COL4A2: variants seen among roughly 807,000 people sequenced by gnomAD.
The protein encoded by COL4A2 is collagen alpha-2(IV) chain.
A neutral mutation model predicts 200.2 loss-of-function variants in COL4A2; 99 were observed. That is an observed-to-expected ratio of 0.49 (90% CI 0.42 to 0.58). The LOEUF is 0.58. Ranked by LOEUF, COL4A2 falls within the 20% of genes least tolerant of loss-of-function variation. The pLI is 0.00. For synonymous variants in COL4A2, 897 were observed against 900.6 expected (o/e 1.00, Z 0.07); for missense variants, 1,950 against 2,314.1 (o/e 0.84, Z 3.23).
intron 16 of COL4A2, among the ~76,000 whole-genome samples, chr13:110,440,106 A>G (rs1881066184): frequency 6.6e-6 from 1 of 152,056 alleles, no homozygotes. Context: ...ATATCGTCCA[A>G]CCTCACACCC....
chr13:110,418,097 T>C (rs1218539928), intron 4 of COL4A2, among the ~76,000 whole-genome samples: 2 of 152,346 alleles, frequency 1.3e-5, no homozygotes, highest in South Asian at 2.1e-4. Context: ...ATCACAGTTA[T>C]ATCTCTCTGT....
intron 24 of COL4A2, among the ~76,000 whole-genome samples, chr13:110,465,103 T>C (rs550294333): frequency 6.6e-6 from 1 of 152,364 alleles, no homozygotes; most frequent in South Asian, 2.1e-4. Context: ...GTGCCTTCGC[T>C]GTTCTGGAGA....
At position 110,489,479 on chromosome 13, in the gene COL4A2, A is replaced by T. The variant is rs370759950; in HGVS notation, c.3242A>T (p.Tyr1081Phe). The T allele has an allele frequency of 1.4e-5, 23 of 1,614,206 alleles. No homozygotes were observed. The highest frequency in any genetic ancestry group is 1.9e-5 in the Non-Finnish European group (22 of 1,180,042). The change falls in exon 35 of 48, where the codon TAT becomes TTT. Residue 1081 changes from tyrosine (Y) to phenylalanine (F), a missense_variant. Tyr to Phe is a conservative substitution (Grantham distance 22, BLOSUM62 3). This residue lies in a region of COL4A2 where 1,385 missense variants were observed against 1,720.5 expected (regional missense o/e 0.80). Transcript: ENST00000360467. ...GGTGCCCCAGGGAGAGCAGGCCTGT[A>T]TGGCGAGATTGGCGCGACTGGTGAT... ...DKGAPGRAGLYGEIGATGDFG... is the reference protein window; with the variant it reads ...DKGAPGRAGLFGEIGATGDFG...
chr13:110,438,810 C>A lies in COL4A2; in HGVS notation c.912+142C>A, dbSNP rs9521759. ...TCCCGTTATTACTCCCCACCCCCCC[C>A]CACACACACACACAGCAGCCCCCCA... On this transcript the variant is annotated intron_variant, in intron 15 of 47. Transcript: ENST00000360467. 0.52 allele frequency: 338,086 copies of A among 651,256 alleles called. 80,815 individuals are homozygous for A. Among genetic ancestry groups the A allele is most frequent in the East Asian group, 0.7 (22,274 of 31,748 alleles). 40.3% of individuals were successfully genotyped at this position (651,256 alleles called of 1,614,324 possible).
chr13:110,352,119 T>C (rs954906578), intron 3 of COL4A2, among the ~76,000 whole-genome samples: 1 of 152,186 alleles, frequency 6.6e-6, no homozygotes, highest in African/African-American at 2.4e-5. Context: ...ATGATGACGA[T>C]GATGATGGCA....
chr13:110,390,480 G>A (rs1878946178), intron 4 of COL4A2, among the ~76,000 whole-genome samples: 3 of 152,236 alleles, frequency 2.0e-5, no homozygotes, highest in Admixed American at 2.0e-4. Context: ...GAGTGGTGAT[G>A]TGTTGCACTC....
intron 29 of COL4A2, among the ~76,000 whole-genome samples, chr13:110,476,123 C>T (rs569390092): frequency 2.6e-5 from 4 of 152,170 alleles, no homozygotes; most frequent in African/African-American, 7.2e-5. Flanking sequence ...CAAGTTCCCC[C>T]ACAGTCCATG....
At chr13:110,509,270 T>TATATACAC (rs1435137108) in intron 47 of COL4A2, among the ~76,000 whole-genome samples, 26 of 115,576 alleles carry the variant, frequency 2.2e-4, no homozygotes, top group Non-Finnish European at 3.7e-4. Flanking sequence ...TATATATATA[T>TATATACAC]ACACACACAC....
intron 3 of COL4A2, among the ~76,000 whole-genome samples, chr13:110,309,666 A>G (rs983729443): frequency 6.6e-6 from 1 of 152,186 alleles, no homozygotes; most frequent in Non-Finnish European, 1.5e-5. Flanking sequence ...AAATTGGTAG[A>G]AAGACCACCA....
At chr13:110,321,530 C>G (rs1412728679) in intron 3 of COL4A2, among the ~76,000 whole-genome samples, 3 of 152,152 alleles carry the variant, frequency 2.0e-5, no homozygotes, top group East Asian at 1.9e-4. Flanking sequence ...CTTTCTGTCA[C>G]TTTGAGTGTG....
intron 4 of COL4A2, among the ~76,000 whole-genome samples, chr13:110,360,700 A>T (rs1877475080): frequency 2.0e-5 from 3 of 152,350 alleles, no homozygotes; most frequent in East Asian, 3.9e-4. Context: ...TCCTCTAGTT[A>T]TCCAGACGGG....
intron 29 of COL4A2, among the ~76,000 whole-genome samples, chr13:110,475,051 C>G (rs1882655490): frequency 6.6e-6 from 1 of 152,128 alleles, no homozygotes. Flanking sequence ...CCTATGCACG[C>G]TCACACATGA....
chr13:110,436,920 C>T (rs904456316), intron 13 of COL4A2, among the ~76,000 whole-genome samples: 2 of 152,090 alleles, frequency 1.3e-5, no homozygotes, highest in African/African-American at 4.8e-5. Flanking sequence ...CTCGGAGGTC[C>T]CACAGCCTTT....
At chr13:110,455,043 G>A (rs751681459) in intron 20 of COL4A2, among the ~76,000 whole-genome samples, 8 of 151,992 alleles carry the variant, frequency 5.3e-5, no homozygotes, top group Non-Finnish European at 1.0e-4. Context: ...CAATCCTGGC[G>A]GGTCCTCCAC....
chr13:110,388,634 A>G (rs1878864841), intron 4 of COL4A2, among the ~76,000 whole-genome samples: 1 of 152,230 alleles, frequency 6.6e-6, no homozygotes, highest in Non-Finnish European at 1.5e-5. Flanking sequence ...GTGATGAGTC[A>G]GCAAAAAAAA....
intron 3 of COL4A2, among the ~76,000 whole-genome samples, chr13:110,341,217 G>A (rs996848509): frequency 6.6e-6 from 1 of 152,218 alleles, no homozygotes; most frequent in Non-Finnish European, 1.5e-5. Context: ...TCATCGGGAC[G>A]ACGGGCTTCT....
At chr13:110,451,236 T>C (rs899194764) in intron 20 of COL4A2, among the ~76,000 whole-genome samples, 1 of 152,216 alleles carries the variant, frequency 6.6e-6, no homozygotes, top group African/African-American at 2.4e-5. Flanking sequence ...TTCTTTCAGC[T>C]TCAGCATTCA....
At chr13:110,482,479 C>T in intron 31 of COL4A2, 37 bp from the exon 32 acceptor site, 1 of 1,597,940 alleles carries the variant, frequency 6.3e-7, no homozygotes, top group Non-Finnish European at 8.6e-7. Flanking sequence ...GCATTTTATT[C>T]ATGTCTAACC....
chr13:110,445,912 T>A (rs1881303369), intron 17 of COL4A2, 30 bp downstream of exon 17: 2 of 1,613,494 alleles, frequency 1.2e-6, no homozygotes, highest in African/African-American at 2.7e-5. Flanking sequence ...CTTTGCCACT[T>A]ATGGTGTCTC....
Sources: gnomAD v4.1 joint callset for allele counts (sites outside exome capture counted in the v4.1 genomes callset) on GRCh38, gnomAD v4.1.1 for gene constraint, gnomAD v4.1.1 regional missense constraint, MANE v1.5 for transcripts, NCBI Gene and HGNC (gene_info 2026-07-23, HGNC 2026-07-21) for gene names.